TMED10: variants seen among roughly 807,000 people sequenced by gnomAD.
The protein encoded by TMED10 is transmembrane p24 trafficking protein 10, also known as transmembrane emp24 domain-containing protein 10.
A neutral mutation model predicts 23.1 loss-of-function variants in TMED10; 7 were observed. The ratio of observed to expected loss-of-function variants is 0.30; its 90% CI spans 0.17 to 0.57. TMED10 has a LOEUF of 0.57. Ranked by LOEUF, TMED10 falls within the 20% of genes least tolerant of loss-of-function variation. The pLI is 0.91. For missense variants in TMED10, 162 were observed against 274.8 expected (o/e 0.59, Z 2.90); for synonymous variants, 113 against 106.9 (o/e 1.06, Z -0.35).
chr14:75,151,027 C>T (rs535650175), intron 2 of TMED10, among the ~76,000 whole-genome samples: 10 of 151,272 alleles, frequency 6.6e-5, no homozygotes, highest in Non-Finnish European at 1.3e-4. Flanking sequence ...CTCAGCCTCC[C>T]GAGTAGCTGG....
intron 3 of TMED10, among the ~76,000 whole-genome samples, chr14:75,141,249 A>AG (rs1460255760): frequency 6.6e-6 from 1 of 152,204 alleles, no homozygotes; most frequent in African/African-American, 2.4e-5. Context: ...TTCAAGGCTG[A>AG]GGGGAACCTG....
intron 3 of TMED10, among the ~76,000 whole-genome samples, chr14:75,138,812 C>CTTTTTTTTTTT (rs59707221): frequency 3.4e-3 from 321 of 94,946 alleles, no homozygotes; most frequent in Non-Finnish European, 4.1e-3. Flanking sequence ...GCCTTTGCTT[C>CTTTTTTTTTTT]TTTTTTTTTT....
chr14:75,173,160 C>G (rs1212313814), intron 1 of TMED10, among the ~76,000 whole-genome samples: 1 of 152,148 alleles, frequency 6.6e-6, no homozygotes, highest in Non-Finnish European at 1.5e-5. Flanking sequence ...CCGAGATGGG[C>G]GGATCACTTG....
intron 3 of TMED10, among the ~76,000 whole-genome samples, chr14:75,145,003 A>G (rs1173756433): frequency 2.6e-5 from 4 of 152,226 alleles, no homozygotes; most frequent in Non-Finnish European, 4.4e-5. Context: ...GCCTTGCTGC[A>G]GACTGAAGAA....
chr14:75,140,238 T>C (rs1008128764), intron 3 of TMED10, among the ~76,000 whole-genome samples: 1 of 152,026 alleles, frequency 6.6e-6, no homozygotes, highest in African/African-American at 2.4e-5. Flanking sequence ...GTAGCTGGGA[T>C]TACAGGCACG....
At chr14:75,164,585 T>TTG (rs1896137426) in intron 1 of TMED10, among the ~76,000 whole-genome samples, 1 of 79,930 alleles carries the variant, frequency 1.3e-5, no homozygotes, top group African/African-American at 4.7e-5. Context: ...ATATTTTTTT[T>TTG]TTTTTTTTTG....
chr14:75,168,801 A>T (rs1485062559), intron 1 of TMED10, among the ~76,000 whole-genome samples: 1 of 152,254 alleles, frequency 6.6e-6, no homozygotes, highest in African/African-American at 2.4e-5. Context: ...CTAAAGACAC[A>T]AAGATGAGTA....
In TMED10 at chr14:75,164,546, TATATATATATATATATATATATATATATA is replaced by T. The variant is rs1566675085; in HGVS notation, c.225+11780_225+11808del. On this transcript the variant is annotated intron_variant, in intron 1 of 4. Coordinates refer to ENST00000303575, the MANE Select transcript of TMED10 (RefSeq NM_006827.6). ...GCACCTGGCCTAATATATATATATA[TATATATATATATATATATATATATATATA>T]TATTTTTTTTTTTTTTTTTGTATTT... Among the ~76,000 whole-genome samples, 246 of 33,546 alleles carry T rather than the reference TATATATATATATATATATATATATATATA, an allele frequency of 7.3e-3. 8 individuals are homozygous for T. Among genetic ancestry groups the T allele is most frequent in the Middle Eastern group, 0.026 (2 of 78 alleles). The allele number at this position is 33,546 out of a possible 152,430, so 22.0% of individuals were successfully genotyped here. A position where few individuals can be genotyped will look rare whatever the true frequency, so the allele number is the denominator to read the frequency against.
intron 1 of TMED10, among the ~76,000 whole-genome samples, chr14:75,160,305 C>T (rs925689102): frequency 1.1e-4 from 16 of 152,206 alleles, no homozygotes; most frequent in African/African-American, 3.9e-4. Context: ...AATATCATTA[C>T]ATAAACCAGG....
At chr14:75,150,052 C>T (rs1273675171) in intron 2 of TMED10, among the ~76,000 whole-genome samples, 1 of 152,122 alleles carries the variant, frequency 6.6e-6, no homozygotes, top group African/African-American at 2.4e-5. Context: ...GAGCCAAGAT[C>T]GCACCACTGC....
intron 1 of TMED10, among the ~76,000 whole-genome samples, chr14:75,170,748 T>A (rs1311804388): frequency 6.6e-6 from 1 of 152,236 alleles, no homozygotes; most frequent in African/African-American, 2.4e-5. Flanking sequence ...TCTGCATTTA[T>A]CCTACCAATG....
rs60845992 is a variant in TMED10, at chr14:75,164,577, A to ATT, written c.225+11776_225+11777dup. On this transcript the variant is annotated intron_variant, in intron 1 of 4. Transcript: ENST00000303575. Reference sequence around the variant, plus strand: ...TATATATATATATATATATATATATATTTTTTTTTTTTTTTTTGTATTTTT... The same window carrying ATT: ...TATATATATATATATATATATATATATTTTTTTTTTTTTTTTTTTGTATTTTT... Among the ~76,000 whole-genome samples, 55 of 45,074 alleles carry ATT rather than the reference A, an allele frequency of 1.2e-3. 1 individual carries two copies. Among genetic ancestry groups the ATT allele is most frequent in the East Asian group, 6.7e-3 (18 of 2,672 alleles). The allele number at this position is 45,074 out of a possible 152,430, so 29.6% of individuals were successfully genotyped here.
chr14:75,164,614 G>T (rs1163339669), intron 1 of TMED10, among the ~76,000 whole-genome samples: 6 of 121,560 alleles, frequency 4.9e-5, no homozygotes, highest in African/African-American at 9.9e-5. Flanking sequence ...GAAGAGGCGG[G>T]GTTTTGTCAT....
chr14:75,156,018 T>C (rs1896015664), intron 1 of TMED10, among the ~76,000 whole-genome samples: 1 of 152,146 alleles, frequency 6.6e-6, no homozygotes, highest in Non-Finnish European at 1.5e-5. Flanking sequence ...ACTGGCCCAA[T>C]CATGTAGAAC....
At chr14:75,157,368 T>C (rs1374921611) in intron 1 of TMED10, among the ~76,000 whole-genome samples, 1 of 152,212 alleles carries the variant, frequency 6.6e-6, no homozygotes, top group African/African-American at 2.4e-5. Flanking sequence ...ATAAATCGTG[T>C]TGGTCAGGTG....
intron 1 of TMED10, among the ~76,000 whole-genome samples, chr14:75,158,793 G>C (rs568088753): frequency 6.6e-6 from 1 of 152,028 alleles, no homozygotes; most frequent in African/African-American, 2.4e-5. Context: ...GCATGGTGGC[G>C]CATGCCTGTA....
At chr14:75,161,668 T>C (rs767386798) in intron 1 of TMED10, among the ~76,000 whole-genome samples, 2 of 152,176 alleles carry the variant, frequency 1.3e-5, no homozygotes, top group African/African-American at 2.4e-5. Flanking sequence ...CCTGATCTAA[T>C]GCAGAGGTGA....
chr14:75,157,836 A>C (rs1223477115), intron 1 of TMED10, among the ~76,000 whole-genome samples: 1 of 152,026 alleles, frequency 6.6e-6, no homozygotes, highest in Admixed American at 6.6e-5. Flanking sequence ...GCTACTCAGG[A>C]GGCCGAGGCA....
rs1159811498 is a variant in TMED10, at chr14:75,136,032, C to T, written c.412-146G>A. ...ATCCTAACATATTTTAAAATTTGGG[C>T]TTCTTTCTTTCCCTATAGACTATAT... On this transcript the variant is annotated intron_variant, in intron 3 of 4. Coordinates refer to ENST00000303575, the MANE Select transcript of TMED10 (RefSeq NM_006827.6). The T allele has an allele frequency of 5.4e-5, 65 of 1,193,724 alleles. 2 individuals are homozygous for T. Among genetic ancestry groups the T allele is most frequent in the Non-Finnish European group, 8.0e-6 (7 of 872,950 alleles). 73.9% of individuals were successfully genotyped at this position (1,193,724 alleles called of 1,614,324 possible).
Sources: gnomAD v4.1 joint callset for allele counts (sites outside exome capture counted in the v4.1 genomes callset) on GRCh38, gnomAD v4.1.1 for gene constraint, MANE v1.5 for transcripts, NCBI Gene and HGNC (gene_info 2026-07-23, HGNC 2026-07-21) for gene names.